The following ZNF782 variants were observed in gnomAD, a reference collection of about 807,000 sequenced individuals.
ZNF782 encodes the protein zinc finger protein 782.
Under a neutral mutation model 13.0 loss-of-function variants are expected in ZNF782, and 12 were observed. The observed-to-expected ratio is 0.92, with a 90% confidence interval of 0.59 to 1.50. ZNF782 has a LOEUF of 1.50. Among genes scored for constraint, ZNF782 ranks in the 40% most tolerant of loss-of-function variants. ZNF782 has a pLI of 0.00. For synonymous variants in ZNF782, 284 were observed against 283.0 expected (o/e 1.00, Z -0.04); for missense variants, 770 against 822.9 (o/e 0.94, Z 0.79).
chr9:96,854,892 A>C (rs1219395121), upstream of ZNF782, among the ~76,000 whole-genome samples: 1 of 151,302 alleles, frequency 6.6e-6, no homozygotes, highest in Non-Finnish European at 1.5e-5. Flanking sequence ...TGTGAAAAAA[A>C]ATTAAGAATT....
the ZNF782 span, among the ~76,000 whole-genome samples, chr9:96,899,129 G>A: frequency 1.3e-5 from 2 of 150,246 alleles, 1 homozygote; most frequent in South Asian, 4.2e-4. Flanking sequence ...TTATGACTGA[G>A]TTATTTAACT....
At chr9:96,862,062 GA>G (rs1194870685) in intron 1 of ZNF782, among the ~76,000 whole-genome samples, 2 of 152,190 alleles carry the variant, frequency 1.3e-5, no homozygotes, top group Non-Finnish European at 2.9e-5. Flanking sequence ...ATACACAATG[GA>G]GTACTTACTA....
intron 5 of ZNF782, among the ~76,000 whole-genome samples, chr9:96,824,338 T>C (rs1274692690): frequency 6.7e-6 from 1 of 148,174 alleles, no homozygotes; most frequent in Non-Finnish European, 1.5e-5. Flanking sequence ...GAAAAGGCCT[T>C]TGACAAAATT....
rs937162169 is a variant in ZNF782 at position 96,818,457 on chromosome 9, C to T, written c.1566G>A (p.Arg522=). The change falls in exon 6 of 6, where the codon AGG becomes AGA. Residue 522 remains arginine (R), a synonymous_variant. Coordinates refer to ENST00000481138, the MANE Select transcript of ZNF782 (RefSeq NM_001001662.3). ...GKAFKLKSGL[R]KHHRTHTGEK... ...CCCCTGTGTGTGTTCTATGATGTTT[C>T]CTCAGGCCTGACTTCAGTTTGAAAG... 6.2e-7 allele frequency: 1 copy of T among 1,612,080 alleles called. No individual in the cohort carries two copies. The highest frequency in any genetic ancestry group is 1.3e-5 in the African/African-American group (1 of 74,374).
chr9:96,882,702 T>C, the ZNF782 span, among the ~76,000 whole-genome samples: 4 of 152,208 alleles, frequency 2.6e-5, no homozygotes, highest in African/African-American at 9.7e-5. Context: ...AGCAAGAGCA[T>C]TCCATGATTG....
chr9:96,907,234 T>C, the ZNF782 span, among the ~76,000 whole-genome samples: 1 of 152,142 alleles, frequency 6.6e-6, no homozygotes, highest in African/African-American at 2.4e-5. Context: ...GGACATTACA[T>C]TAAGTGAAAT....
the ZNF782 span, chr9:96,887,613 T>C: frequency 6.6e-6 from 1 of 152,194 alleles, no homozygotes; most frequent in Non-Finnish European, 1.5e-5. Context: ...AGTGTGGCGA[T>C]TCCTCAGGGA....
At chr9:96,906,285 G>A in the ZNF782 span, among the ~76,000 whole-genome samples, 1 of 149,798 alleles carries the variant, frequency 6.7e-6, no homozygotes, top group Non-Finnish European at 1.5e-5. Flanking sequence ...CACACACCAA[G>A]TAAGTAACCA....
At chr9:96,894,961 C>T in the ZNF782 span, 3 of 152,172 alleles carry the variant, frequency 2.0e-5, no homozygotes, top group Admixed American at 6.5e-5. Flanking sequence ...TGAGCTCAAG[C>T]GATTCTCCTA....
chr9:96,894,845 A>C, the ZNF782 span: 1 of 152,252 alleles, frequency 6.6e-6, no homozygotes. Flanking sequence ...CTCCTGCCTC[A>C]GCCTCCTGAG....
chr9:96,910,630 G>C, the ZNF782 span, among the ~76,000 whole-genome samples: 2 of 149,122 alleles, frequency 1.3e-5, no homozygotes, highest in Non-Finnish European at 3.0e-5. Flanking sequence ...CCAAGGCCCT[G>C]CTTTTTTTCT....
chr9:96,879,279 G>C (rs946390836), upstream of ZNF782, among the ~76,000 whole-genome samples: 1 of 152,190 alleles, frequency 6.6e-6, no homozygotes, highest in Non-Finnish European at 1.5e-5. Flanking sequence ...ACGAGGTCAA[G>C]AGATCGAGAC....
At chr9:96,831,645 G>A (rs746953467) in intron 4 of ZNF782, among the ~76,000 whole-genome samples, 1 of 151,732 alleles carries the variant, frequency 6.6e-6, no homozygotes, top group Non-Finnish European at 1.5e-5. Context: ...CCCAGGAGGT[G>A]GAGGTTGCAG....
chr9:96,895,113 A>T, the ZNF782 span: 2 of 152,214 alleles, frequency 1.3e-5, no homozygotes, highest in African/African-American at 4.8e-5. Flanking sequence ...TCTTCTGTAT[A>T]GGTCAGAAAT....
At chr9:96,876,147 C>G (rs569829958), upstream of ZNF782, among the ~76,000 whole-genome samples, 2 of 152,300 alleles carry the variant, frequency 1.3e-5, no homozygotes, top group East Asian at 3.9e-4. Flanking sequence ...GAAAAAACAG[C>G]TGCCAAACAC....
At chr9:96,883,185 T>C in the ZNF782 span, among the ~76,000 whole-genome samples, 1 of 152,024 alleles carries the variant, frequency 6.6e-6, no homozygotes, top group Non-Finnish European at 1.5e-5. Flanking sequence ...TTTAAAAACA[T>C]GGTGACAGGA....
chr9:96,916,472 G>C, the ZNF782 span, among the ~76,000 whole-genome samples: 1 of 151,740 alleles, frequency 6.6e-6, no homozygotes, highest in African/African-American at 2.4e-5. Flanking sequence ...CTGGATGGCA[G>C]AGTAAGACTC....
intron 5 of ZNF782, among the ~76,000 whole-genome samples, chr9:96,821,614 G>A (rs966164197): frequency 6.6e-6 from 1 of 151,678 alleles, no homozygotes; most frequent in African/African-American, 2.4e-5. Flanking sequence ...CTTACGGCAC[G>A]TGCATGGTTA....
chr9:96,847,061 G>C (rs1169462786), intron 3 of ZNF782, among the ~76,000 whole-genome samples: 1 of 152,046 alleles, frequency 6.6e-6, no homozygotes, highest in Non-Finnish European at 1.5e-5. Context: ...AAAATACATG[G>C]AAATGAAATA....
Sources: allele counts gnomAD v4.1 joint callset (sites outside exome capture counted in the v4.1 genomes callset), GRCh38; gene constraint gnomAD v4.1.1; transcripts MANE v1.5; gene names NCBI Gene and HGNC (gene_info 2026-07-23, HGNC 2026-07-21).